MAD1L1: variants seen among roughly 807,000 people sequenced by gnomAD.
MAD1L1 encodes the protein mitotic spindle assembly checkpoint protein MAD1.
In MAD1L1, 95 loss-of-function variants were observed where a neutral mutation model predicts 96.9. That is an observed-to-expected ratio of 0.98 (90% CI 0.83 to 1.16). The LOEUF is 1.16. Ranked by LOEUF, MAD1L1 falls within the 50% of genes most tolerant of loss-of-function variation. The pLI is 0.00. For synonymous variants in MAD1L1, 473 were observed against 396.6 expected (o/e 1.19, Z -2.29); for missense variants, 1,007 against 954.4 (o/e 1.06, Z -0.73).
intron 16 of MAD1L1, among the ~76,000 whole-genome samples, chr7:1,951,512 C>T (rs1032404761): frequency 1.3e-5 from 2 of 152,166 alleles, no homozygotes; most frequent in Admixed American, 6.5e-5. Context: ...CAGTGCTGTG[C>T]GGCCACCACC....
intron 17 of MAD1L1, among the ~76,000 whole-genome samples, chr7:1,918,304 G>C (rs377569327): frequency 6.6e-6 from 1 of 152,302 alleles, no homozygotes; most frequent in East Asian, 1.9e-4. Flanking sequence ...CCCCAGCGCA[G>C]TCCCCTCCCC....
intron 17 of MAD1L1, among the ~76,000 whole-genome samples, chr7:1,909,279 G>A (rs1188411259): frequency 1.3e-5 from 2 of 152,338 alleles, no homozygotes; most frequent in East Asian, 3.9e-4. Flanking sequence ...CCTGCAGAGA[G>A]TACTCTGGGC....
intron 18 of MAD1L1, among the ~76,000 whole-genome samples, chr7:1,869,351 C>G (rs73046370): frequency 6.6e-6 from 1 of 152,114 alleles, no homozygotes; most frequent in Admixed American, 6.5e-5. Context: ...TCTTAGCTCT[C>G]CCTGAACTCC....
chr7:2,127,095 C>A (rs10235698), intron 11 of MAD1L1, among the ~76,000 whole-genome samples: 7 of 152,172 alleles, frequency 4.6e-5, no homozygotes, highest in Admixed American at 6.5e-5. Context: ...CTGGAGGGGG[C>A]CTCTCAGTGA....
intron 18 of MAD1L1, among the ~76,000 whole-genome samples, chr7:1,821,221 A>G (rs1457714615): frequency 3.9e-5 from 6 of 152,226 alleles, no homozygotes; most frequent in East Asian, 3.8e-4. Flanking sequence ...AACTGGATGG[A>G]TTCCTCGAAA....
chr7:1,905,312 A>G lies in MAD1L1; in HGVS notation c.1808-6922T>C, dbSNP rs10265061. On this transcript the variant is annotated intron_variant, in intron 17 of 18. Coordinates refer to ENST00000265854, the MANE Select transcript of MAD1L1 (RefSeq NM_001013836.2). The stretch of plus-strand genomic sequence containing the variant: ...TTGATAAAGCACTGTTCCAGGCAGC[A>G]AGGATGCAGTGGCCTATGGAAGACG... Among the ~76,000 whole-genome samples the G allele has an allele frequency of 5.2e-3, 326 of 62,202 alleles. 16 individuals are homozygous for G. The highest frequency in any genetic ancestry group is 0.018 in the African/African-American group (272 of 15,470). 40.8% of individuals were successfully genotyped at this position (62,202 alleles called of 152,430 possible). A position where few individuals can be genotyped will look rare whatever the true frequency, so the allele number is the denominator to read the frequency against.
intron 12 of MAD1L1, among the ~76,000 whole-genome samples, chr7:2,036,984 A>G (rs893072379): frequency 1.3e-5 from 2 of 151,894 alleles, no homozygotes; most frequent in Non-Finnish European, 2.9e-5. Flanking sequence ...AGCTCCCCCC[A>G]CAGCACGAGC....
intron 11 of MAD1L1, among the ~76,000 whole-genome samples, chr7:2,125,724 G>A (rs116270107): frequency 9.8e-5 from 15 of 152,346 alleles, no homozygotes; most frequent in Admixed American, 1.3e-4. Flanking sequence ...TCCAGAAACT[G>A]CAGCTCAGAC....
rs1316229073 is a variant in MAD1L1 at position 1,833,904 on chromosome 7, C to T, written c.1999-17676G>A. On this transcript the variant is annotated intron_variant, in intron 18 of 18. Transcript: ENST00000265854. ...CAGAGGTTGCAGTGAGCTGAGATTG[C>T]GCCATGCACTCCAGCCTGGGTGACA... Among the ~76,000 whole-genome samples the T allele has an allele frequency of 9.2e-5, 14 of 152,226 alleles. No individual in the cohort carries two copies. In the East Asian group the frequency reaches 9.6e-4, roughly 10 times the overall value.
At chr7:1,987,571 G>T (rs184756651) in intron 14 of MAD1L1, among the ~76,000 whole-genome samples, 17 of 152,256 alleles carry the variant, frequency 1.1e-4, no homozygotes, top group Non-Finnish European at 1.3e-4. Flanking sequence ...CCATCGGGGA[G>T]GGGGGGAGAG....
chr7:2,075,031 G>T (rs1562662040), intron 11 of MAD1L1, among the ~76,000 whole-genome samples: 1 of 152,238 alleles, frequency 6.6e-6, no homozygotes, highest in Non-Finnish European at 1.5e-5. Flanking sequence ...CTCTGCACGG[G>T]ACGTGGAGAG....
At chr7:1,980,610 CA>C (rs1402946045) in intron 14 of MAD1L1, 69 bp from the exon 15 acceptor site, 1 of 1,331,108 alleles carries the variant, frequency 7.5e-7, no homozygotes, top group Non-Finnish European at 1.1e-6. Flanking sequence ...AACCCCAGCC[CA>C]GGCCCCTGAG....
chr7:2,083,573 C>T (rs1043817224), intron 11 of MAD1L1, among the ~76,000 whole-genome samples: 2 of 152,194 alleles, frequency 1.3e-5, no homozygotes, highest in Non-Finnish European at 2.9e-5. Context: ...TGGAGGCCAG[C>T]GCAGGGCGGG....
At chr7:2,071,866 C>T (rs1785146649) in intron 11 of MAD1L1, among the ~76,000 whole-genome samples, 1 of 152,188 alleles carries the variant, frequency 6.6e-6, no homozygotes, top group African/African-American at 2.4e-5. Flanking sequence ...CCAAAGGCTT[C>T]TCACGGGAAC....
rs769735172 is a variant in MAD1L1, at chr7:1,940,987, CT to C, written c.1597-4091del. ...CCGCAGGCCTCACCCTCCTCTTCCT[CT>C]CCCAGGCCTCAGCCTCCTCTTCCTC... On this transcript the variant is annotated intron_variant, in intron 16 of 18. Transcript: ENST00000265854. 9.3e-5 allele frequency among the ~76,000 whole-genome samples: 14 copies of C among 149,782 alleles called. No individual in the cohort carries two copies. The East Asian group carries it at 9.7e-4, about 10-fold the overall frequency.
intron 18 of MAD1L1, among the ~76,000 whole-genome samples, chr7:1,821,096 G>C (rs941222627): frequency 6.8e-6 from 1 of 147,698 alleles, no homozygotes; most frequent in Admixed American, 6.8e-5. Context: ...AAAAAAAAGG[G>C]GGGGGGGAGA....
At chr7:2,073,914 C>A (rs990465133) in intron 11 of MAD1L1, among the ~76,000 whole-genome samples, 3 of 152,198 alleles carry the variant, frequency 2.0e-5, no homozygotes, top group Non-Finnish European at 2.9e-5. Context: ...GGTGCAAGCA[C>A]TCGGGCCCGC....
intron 18 of MAD1L1, chr7:1,847,508 C>T (rs1305128290): frequency 2.1e-6 from 1 of 471,032 alleles, no homozygotes; most frequent in African/African-American, 2.0e-5. Context: ...AGGGGAAGCT[C>T]AGCTGGAAGG....
At chr7:2,080,564 G>C (rs1034279461) in intron 11 of MAD1L1, among the ~76,000 whole-genome samples, 3 of 87,002 alleles carry the variant, frequency 3.4e-5, no homozygotes, top group African/African-American at 1.4e-4. Context: ...CACGATCACA[G>C]GCCTCTGGTA....
Sources: gnomAD v4.1 joint callset for allele counts (sites outside exome capture counted in the v4.1 genomes callset) on GRCh38, gnomAD v4.1.1 for gene constraint, MANE v1.5 for transcripts, NCBI Gene and HGNC (gene_info 2026-07-23, HGNC 2026-07-21) for gene names.